EAPP: variants seen among roughly 807,000 people sequenced by gnomAD.
The protein encoded by EAPP is E2F associated phosphoprotein, also known as E2F-associated phosphoprotein.
In EAPP, 38 loss-of-function variants were observed where a neutral mutation model predicts 34.3. That is an observed-to-expected ratio of 1.11 (90% CI 0.85 to 1.45). The LOEUF is 1.45. Ranked by LOEUF, EAPP falls within the 40% of genes most tolerant of loss-of-function variation. The pLI is 0.00. For missense variants in EAPP, 338 were observed against 343.7 expected, an observed-to-expected ratio of 0.98 and a Z score of 0.13; for synonymous variants, 113 against 117.6, an observed-to-expected ratio of 0.96 and a Z score of 0.25.
At chr14:34,534,172 G>T (rs1476533403) in intron 2 of EAPP, among the ~76,000 whole-genome samples, 4 of 142,312 alleles carry the variant, frequency 2.8e-5, no homozygotes, top group Admixed American at 7.3e-5. Flanking sequence ...TCACTCTGTT[G>T]CCCAGGCTGG....
chr14:34,525,449 C>A (rs1323566279), intron 4 of EAPP, among the ~76,000 whole-genome samples: 1 of 151,986 alleles, frequency 6.6e-6, no homozygotes, highest in Non-Finnish European at 1.5e-5. Context: ...CTTCTATGTT[C>A]TTACTTATAA....
At chr14:34,517,248 C>CT (rs34165039) in intron 5 of EAPP, among the ~76,000 whole-genome samples, 1,869 of 127,296 alleles carry the variant, frequency 0.015, 25 homozygotes, top group African/African-American at 0.04. Flanking sequence ...GATTCTATTT[C>CT]TTTTTTTTTT....
chr14:34,531,702 C>G (rs1189923393), intron 3 of EAPP, among the ~76,000 whole-genome samples: 1 of 152,072 alleles, frequency 6.6e-6, no homozygotes, highest in Non-Finnish European at 1.5e-5. Flanking sequence ...CAGAAATTTG[C>G]TATTTGAATA....
At chr14:34,534,732 T>G (rs1880408576) in intron 2 of EAPP, among the ~76,000 whole-genome samples, 2 of 151,942 alleles carry the variant, frequency 1.3e-5, no homozygotes, top group Admixed American at 1.3e-4. Context: ...CCAGGCACAA[T>G]AGTTTATACC....
chr14:34,530,377 A>G (rs563148249), intron 3 of EAPP, among the ~76,000 whole-genome samples: 5 of 152,150 alleles, frequency 3.3e-5, no homozygotes, highest in Admixed American at 2.6e-4. Context: ...TACAAAAATA[A>G]AAATTAAAAA....
At chr14:34,535,968 C>T in intron 2 of EAPP, 126 bp downstream of exon 2, 4 of 644,134 alleles carry the variant, frequency 6.2e-6, no homozygotes, top group South Asian at 4.2e-5. Flanking sequence ...AATACATTCA[C>T]TCCTTCATTC....
rs1880458506 is a variant in EAPP at position 34,536,015 on chromosome 14, GA to G, written c.256+78del. On this transcript the variant is annotated intron_variant, in intron 2 of 5. Coordinates refer to ENST00000250454, the MANE Select transcript of EAPP (RefSeq NM_018453.4). ...ATTGAGCACCTACTGAAAGTGCTGG[GA>G]ACATAGAAGAGCACAAATAAGGTTC... is the stretch of plus-strand genomic sequence containing the variant. 3 of 1,012,592 alleles carry G rather than the reference GA, an allele frequency of 3.0e-6. No individual in the cohort carries two copies. In the African/African-American group the frequency reaches 5.0e-5, roughly 17 times the overall value. The allele number at this position is 1,012,592 out of a possible 1,614,324, so 62.7% of individuals were successfully genotyped here. A position where few individuals can be genotyped will look rare whatever the true frequency, so the allele number is the denominator to read the frequency against.
intron 3 of EAPP, 40 bp downstream of exon 3, chr14:34,533,404 A>G (rs1880359200): frequency 2.0e-6 from 3 of 1,507,370 alleles, no homozygotes; most frequent in Non-Finnish European, 2.8e-6. Context: ...AACCTTTTTT[A>G]TAAAATATAA....
At chr14:34,529,905 A>G (rs1880226453) in intron 3 of EAPP, among the ~76,000 whole-genome samples, 1 of 152,192 alleles carries the variant, frequency 6.6e-6, no homozygotes, top group Non-Finnish European at 1.5e-5. Flanking sequence ...AATCCCAGCT[A>G]CTTGGGGGCC....
chr14:34,539,327 C>G (rs143906137), intron 1 of EAPP: 2 of 686,938 alleles, frequency 2.9e-6, no homozygotes, highest in African/African-American at 3.5e-5. Context: ...TACACGCGGT[C>G]CCCCGTGATT....
In EAPP at chr14:34,538,986, A is replaced by G. The variant is rs540843385; in HGVS notation, c.74+569T>C. Among the ~76,000 whole-genome samples, 120 of 152,288 alleles carry G rather than the reference A, an allele frequency of 7.9e-4. 1 individual carries two copies. The highest frequency in any genetic ancestry group is 2.9e-3 in the African/African-American group (120 of 41,560). On this transcript the variant is annotated intron_variant, in intron 1 of 5. Coordinates refer to ENST00000250454, the MANE Select transcript of EAPP (RefSeq NM_018453.4). ...TTTATCTTATTACCCTTATTATACTATAAGCCTCTGGAAGACAAGGACCTT... is the reference window on the plus strand; with the variant it reads ...TTTATCTTATTACCCTTATTATACTGTAAGCCTCTGGAAGACAAGGACCTT...
chr14:34,523,566 C>A (rs972500896), intron 5 of EAPP, among the ~76,000 whole-genome samples: 22 of 142,888 alleles, frequency 1.5e-4, no homozygotes, highest in African/African-American at 5.7e-4. Context: ...GGGATCTCAC[C>A]TTTGTTTTGT....
intron 5 of EAPP, among the ~76,000 whole-genome samples, chr14:34,519,235 C>T (rs1214972720): frequency 6.6e-6 from 1 of 152,048 alleles, no homozygotes; most frequent in African/African-American, 2.4e-5. Flanking sequence ...TGCCTTCTGC[C>T]ATCATTAAAA....
chr14:34,533,837 C>G (rs1246801917), intron 2 of EAPP, among the ~76,000 whole-genome samples: 1 of 152,102 alleles, frequency 6.6e-6, no homozygotes, highest in Admixed American at 6.6e-5. Context: ...CTCTACCTTT[C>G]AGTCATACAG....
intron 3 of EAPP, 139 bp downstream of exon 3, chr14:34,533,305 C>T: frequency 3.0e-6 from 2 of 677,502 alleles, no homozygotes; most frequent in Admixed American, 5.4e-5. Flanking sequence ...AAAGTGCTGC[C>T]ATTACAGGTG....
chr14:34,523,909 C>A (rs1880007493), intron 5 of EAPP, among the ~76,000 whole-genome samples: 1 of 152,068 alleles, frequency 6.6e-6, no homozygotes. Context: ...ATTAGTCACA[C>A]AGCACCAAGA....
chr14:34,526,875 A>AC (rs1306273363), intron 4 of EAPP, among the ~76,000 whole-genome samples: 3 of 50,266 alleles, frequency 6.0e-5, no homozygotes, highest in Admixed American at 4.4e-4. Flanking sequence ...CTGTCTTTAA[A>AC]TTAAAAAAAA....
chr14:34,535,773 T>G (rs1880452896), intron 2 of EAPP: 1 of 210,886 alleles, frequency 4.7e-6, no homozygotes, highest in Non-Finnish European at 9.3e-6. Context: ...GGTACATGCC[T>G]GTAATCTCAG....
intron 1 of EAPP, among the ~76,000 whole-genome samples, chr14:34,538,555 T>G (rs1880551285): frequency 6.6e-6 from 1 of 151,544 alleles, no homozygotes; most frequent in African/African-American, 2.4e-5. Flanking sequence ...TGTCTCCCCA[T>G]GACAATATGA....
Sources: allele counts gnomAD v4.1 joint callset (sites outside exome capture counted in the v4.1 genomes callset), GRCh38; gene constraint gnomAD v4.1.1; transcripts MANE v1.5; gene names NCBI Gene and HGNC (gene_info 2026-07-23, HGNC 2026-07-21).